The following ARMC7 variants were observed in gnomAD, a reference collection of about 807,000 sequenced individuals.
ARMC7 encodes armadillo repeat containing 7.
Under a neutral mutation model 14.8 loss-of-function variants are expected in ARMC7, and 9 were observed. That is an observed-to-expected ratio of 0.61 (90% CI 0.37 to 1.06). The LOEUF (loss-of-function observed/expected upper bound fraction) is 1.06. ARMC7 is among the 50% of genes least tolerant of loss of function. The pLI is 0.01. For missense variants in ARMC7, 262 were observed against 267.1 expected, an observed-to-expected ratio of 0.98 and a Z score of 0.13; for synonymous variants, 125 against 123.4, an observed-to-expected ratio of 1.01 and a Z score of -0.09.
At chr17:75,118,565 G>A (rs772381940) in intron 2 of ARMC7, among the ~76,000 whole-genome samples, 12 of 152,332 alleles carry the variant, frequency 7.9e-5, no homozygotes, top group Admixed American at 3.9e-4. Context: ...CAGCGACCGC[G>A]GAGAACACGC....
intron 2 of ARMC7, chr17:75,114,689 T>A (rs1389104127): frequency 2.5e-6 from 1 of 397,410 alleles, no homozygotes; most frequent in African/African-American, 2.1e-5. Context: ...TTCCCAACCA[T>A]TTTTTTCCTC....
At chr17:75,128,625 T>A in intron 2 of ARMC7, 52 bp from the exon 3 acceptor site, 2 of 1,559,982 alleles carry the variant, frequency 1.3e-6, no homozygotes, top group Middle Eastern at 1.8e-4. Context: ...GCAGGGGAGG[T>A]GGGAGGAGGC....
intron 2 of ARMC7, among the ~76,000 whole-genome samples, chr17:75,119,926 A>G (rs1238582827): frequency 6.6e-6 from 1 of 151,622 alleles, no homozygotes; most frequent in Non-Finnish European, 1.5e-5. Context: ...TGTTTTTGAG[A>G]TGGAGTCTCG....
intron 2 of ARMC7, among the ~76,000 whole-genome samples, chr17:75,126,831 C>A (rs565144230): frequency 6.6e-6 from 1 of 151,966 alleles, no homozygotes; most frequent in Non-Finnish European, 1.5e-5. Context: ...GAGGCCGAGG[C>A]GGGTGGAACA....
At chr17:75,121,670 T>C (rs935469504) in intron 2 of ARMC7, among the ~76,000 whole-genome samples, 5 of 152,180 alleles carry the variant, frequency 3.3e-5, no homozygotes, top group African/African-American at 1.2e-4. Flanking sequence ...CTCCTCGGCC[T>C]CCCAAAGTGC....
At chr17:75,128,251 T>C (rs950112691) in intron 2 of ARMC7, among the ~76,000 whole-genome samples, 1 of 151,966 alleles carries the variant, frequency 6.6e-6, no homozygotes, top group African/African-American at 2.4e-5. Flanking sequence ...ATTTTTGTAT[T>C]TTTAGTAGAG....
intron 2 of ARMC7, 21 bp from the exon 3 acceptor site, chr17:75,128,656 C>G: frequency 6.3e-7 from 1 of 1,598,512 alleles, no homozygotes; most frequent in Non-Finnish European, 8.5e-7. Context: ...AGCATCCAGA[C>G]TCTTCCTTGC....
At chr17:75,117,356 C>T (rs1309039716) in intron 2 of ARMC7, among the ~76,000 whole-genome samples, 4 of 152,162 alleles carry the variant, frequency 2.6e-5, no homozygotes, top group Non-Finnish European at 4.4e-5. Context: ...GGATTACAGG[C>T]GTGAGCCACT....
intron 2 of ARMC7, among the ~76,000 whole-genome samples, chr17:75,126,972 G>A (rs1317641139): frequency 6.7e-6 from 1 of 149,640 alleles, no homozygotes; most frequent in African/African-American, 2.5e-5. Flanking sequence ...TGAGGCAGGA[G>A]AATCACTTGA....
chr17:75,115,385 C>A (rs948886251), intron 2 of ARMC7, among the ~76,000 whole-genome samples: 1 of 152,088 alleles, frequency 6.6e-6, no homozygotes, highest in African/African-American at 2.4e-5. Context: ...ACTAAAAATA[C>A]AAAAATTAGT....
intron 2 of ARMC7, among the ~76,000 whole-genome samples, chr17:75,121,988 G>T (rs1296428723): frequency 6.6e-6 from 1 of 152,064 alleles, no homozygotes; most frequent in Admixed American, 6.6e-5. Flanking sequence ...TGTGTTAATG[G>T]TGTCGTTTGA....
chr17:75,118,107 A>G (rs8073183), intron 2 of ARMC7, among the ~76,000 whole-genome samples: 146,510 of 149,004 alleles, frequency 0.98, 72,086 homozygotes, highest in Middle Eastern at 1. Flanking sequence ...CATGGGCGAC[A>G]AAGCAAGACT....
intron 2 of ARMC7, chr17:75,114,852 A>G (rs2073962123): frequency 2.5e-6 from 1 of 396,830 alleles, no homozygotes; most frequent in African/African-American, 2.1e-5. Flanking sequence ...TTTATTATGC[A>G]TGACTGAGAA....
intron 2 of ARMC7, among the ~76,000 whole-genome samples, chr17:75,127,657 GC>G (rs1327695587): frequency 6.6e-6 from 1 of 152,246 alleles, no homozygotes; most frequent in Non-Finnish European, 1.5e-5. Context: ...GTGCAGTGGT[GC>G]GTTCATGGCT....
In ARMC7 at chr17:75,129,020, G is replaced by A; in HGVS notation, c.579G>A (p.Val193=). Residue 193 remains valine, a synonymous_variant, in exon 3 of 3, where the codon GTG becomes GTA. Coordinates refer to ENST00000245543, the MANE Select transcript of ARMC7 (RefSeq NM_024585.4). ...TGGGTATCCCACTGCCGAGGAGCGT[G>A]GCCCCACGGCAGCGCTGATCCATGG... ...SALGIPLPRS[V]APRQR is the part of the protein sequence containing the mutation. 1.3e-6 allele frequency: 2 copies of A among 1,598,048 alleles called. No homozygotes were observed. Among genetic ancestry groups the A allele is most frequent in the South Asian group, 1.1e-5 (1 of 90,908 alleles).
In ARMC7 at chr17:75,124,106, T is replaced by G. The variant is rs562847493; in HGVS notation, c.236-4571T>G. On this transcript the variant is annotated intron_variant, in intron 2 of 2. Coordinates refer to ENST00000245543, the MANE Select transcript of ARMC7 (RefSeq NM_024585.4). ...AAGCAGCTGTTGCTGTGGCCTCTTG[T>G]GGGTCCTCTGGCGCCATCTTGGCTC... is the stretch of plus-strand genomic sequence containing the variant. Among the ~76,000 whole-genome samples, 71 of 152,338 alleles carry G rather than the reference T, an allele frequency of 4.7e-4. 1 individual carries two copies. Among genetic ancestry groups the G allele is most frequent in the African/African-American group, 1.6e-3 (68 of 41,568 alleles).
intron 2 of ARMC7, 34 bp downstream of exon 2, chr17:75,110,640 T>C: frequency 1.2e-6 from 2 of 1,612,192 alleles, no homozygotes; most frequent in African/African-American, 1.3e-5. Flanking sequence ...GATGCCTAAA[T>C]GGGCCAGGGT....
At chr17:75,125,225 CT>C (rs2074042749) in intron 2 of ARMC7, among the ~76,000 whole-genome samples, 1 of 152,224 alleles carries the variant, frequency 6.6e-6, no homozygotes, top group Non-Finnish European at 1.5e-5. Context: ...GTCCAGCCCC[CT>C]GACCATCTGC....
intron 2 of ARMC7, among the ~76,000 whole-genome samples, chr17:75,115,940 A>AAT (rs2073970014): frequency 6.6e-6 from 1 of 152,300 alleles, no homozygotes; most frequent in South Asian, 2.1e-4. Context: ...TCCAAAGACA[A>AAT]ATACCCAAAA....
Sources: allele counts gnomAD v4.1 joint callset (sites outside exome capture counted in the v4.1 genomes callset), GRCh38; gene constraint gnomAD v4.1.1; transcripts MANE v1.5; gene names NCBI Gene and HGNC (gene_info 2026-07-23, HGNC 2026-07-21).